Variants in CELF2 observed in about 807,000 individuals in gnomAD.
CELF2 encodes the protein CUGBP Elav-like family member 2, also known as CUG triplet repeat RNA-binding protein 2.
In CELF2, 8 loss-of-function variants were observed where a neutral mutation model predicts 62.6. That is an observed-to-expected ratio of 0.13 (90% CI 0.07 to 0.23). CELF2 has a LOEUF of 0.23. CELF2 is among the 10% of genes least tolerant of loss of function. The probability of loss-of-function intolerance (pLI) is 1.00; values close to 1 mark genes in which losing one functional copy is unlikely to be tolerated. For missense variants in CELF2, 333 were observed against 671.0 expected (o/e 0.50, Z 5.56); for synonymous variants, 258 against 250.0 (o/e 1.03, Z -0.30).
the CELF2 span, among the ~76,000 whole-genome samples, chr10:10,610,077 C>T: frequency 1.3e-5 from 2 of 152,164 alleles, no homozygotes; most frequent in Non-Finnish European, 2.9e-5. Context: ...ATATATTTTG[C>T]TATGCACCAT....
chr10:10,507,320 A>G, the CELF2 span, among the ~76,000 whole-genome samples: 6 of 152,040 alleles, frequency 3.9e-5, no homozygotes, highest in African/African-American at 1.2e-4. Context: ...AAATTTTGAG[A>G]AACAAAATGT....
chr10:10,553,886 A>T, the CELF2 span, among the ~76,000 whole-genome samples: 1 of 152,176 alleles, frequency 6.6e-6, no homozygotes, highest in South Asian at 2.1e-4. Context: ...TGCCAGCCCT[A>T]GGAGGAGCTG....
the CELF2 span, among the ~76,000 whole-genome samples, chr10:10,589,530 A>C: frequency 6.6e-6 from 1 of 152,292 alleles, no homozygotes; most frequent in South Asian, 2.1e-4. Flanking sequence ...TTTTGTTTCC[A>C]ATTCGTACAC....
the CELF2 span, among the ~76,000 whole-genome samples, chr10:10,780,588 C>T: frequency 6.6e-6 from 1 of 152,180 alleles, no homozygotes; most frequent in Non-Finnish European, 1.5e-5. Context: ...TCAAGCGATT[C>T]TCCTGCCTCA....
the CELF2 span, among the ~76,000 whole-genome samples, chr10:10,600,024 C>T: frequency 1.3e-5 from 2 of 152,176 alleles, no homozygotes; most frequent in Non-Finnish European, 1.5e-5. Context: ...AGCCACCGAG[C>T]CCGGCCTCTG....
the CELF2 span, among the ~76,000 whole-genome samples, chr10:10,615,562 C>T: frequency 6.6e-6 from 1 of 152,134 alleles, no homozygotes; most frequent in Non-Finnish European, 1.5e-5. Flanking sequence ...TCTCATGTCA[C>T]ATTGTAATTC....
chr10:11,108,544 T>C (rs887156827), intron 1 of CELF2, among the ~76,000 whole-genome samples: 15 of 152,282 alleles, frequency 9.9e-5, no homozygotes, highest in African/African-American at 3.4e-4. Flanking sequence ...CTGCAGTGAA[T>C]GCACATATCC....
the CELF2 span, among the ~76,000 whole-genome samples, chr10:10,559,269 T>G: frequency 6.6e-6 from 1 of 152,220 alleles, no homozygotes; most frequent in African/African-American, 2.4e-5. Flanking sequence ...CGATGTTTTC[T>G]CCAGAATCAT....
At chr10:10,684,480 C>T in the CELF2 span, among the ~76,000 whole-genome samples, 33 of 152,124 alleles carry the variant, frequency 2.2e-4, no homozygotes, top group Admixed American at 9.8e-4. Context: ...CAGTGGCTCA[C>T]GCCTGTAATC....
chr10:10,617,894 A>G, the CELF2 span, among the ~76,000 whole-genome samples: 1 of 152,040 alleles, frequency 6.6e-6, no homozygotes, highest in Admixed American at 6.5e-5. Flanking sequence ...TTATTTTCCT[A>G]ATTGGTACAA....
intron 10 of CELF2, chr10:11,317,885 T>C (rs1241133359): frequency 6.6e-6 from 1 of 152,258 alleles, no homozygotes; most frequent in Non-Finnish European, 1.5e-5. Flanking sequence ...TGTCACTTGC[T>C]TCCAGCCTTC....
the CELF2 span, among the ~76,000 whole-genome samples, chr10:10,512,172 T>C: frequency 6.6e-6 from 1 of 152,154 alleles, no homozygotes; most frequent in African/African-American, 2.4e-5. Context: ...AAGAGCTTGA[T>C]GTGGATGAAA....
At chr10:11,104,211 A>AT (rs1336740746) in intron 1 of CELF2, among the ~76,000 whole-genome samples, 2 of 152,140 alleles carry the variant, frequency 1.3e-5, no homozygotes, top group African/African-American at 4.8e-5. Context: ...TGATGTATTT[A>AT]TTTGCATTCT....
chr10:11,087,453 G>A (rs2047122506), intron 1 of CELF2, among the ~76,000 whole-genome samples: 1 of 152,214 alleles, frequency 6.6e-6, no homozygotes, highest in Non-Finnish European at 1.5e-5. Flanking sequence ...TTGCCCAGGT[G>A]AAGGGAAGTA....
chr10:10,812,050 C>G (rs2131744516), intron 1 of CELF2, among the ~76,000 whole-genome samples: 2 of 152,254 alleles, frequency 1.3e-5, no homozygotes, highest in South Asian at 4.1e-4. Flanking sequence ...CCTGTCTGTT[C>G]TCATGCAGAG....
the CELF2 span, among the ~76,000 whole-genome samples, chr10:10,502,930 A>C: frequency 6.6e-6 from 1 of 151,874 alleles, no homozygotes; most frequent in South Asian, 2.1e-4. Flanking sequence ...TTATTACATT[A>C]TGTATTCCTT....
chr10:11,167,762 T>C (rs982087544), intron 2 of CELF2, among the ~76,000 whole-genome samples: 1 of 152,232 alleles, frequency 6.6e-6, no homozygotes, highest in African/African-American at 2.4e-5. Context: ...GGAAGTTTTT[T>C]TGAGCACGTG....
chr10:10,923,004 G>A (rs1361045111), intron 2 of CELF2: 1 of 152,086 alleles, frequency 6.6e-6, no homozygotes, highest in South Asian at 2.1e-4. Flanking sequence ...TTGTTTGTTT[G>A]TACAGTCTCG....
At chr10:10,897,978 T>A (rs2062680792) in intron 1 of CELF2, among the ~76,000 whole-genome samples, 1 of 152,182 alleles carries the variant, frequency 6.6e-6, no homozygotes, top group African/African-American at 2.4e-5. Flanking sequence ...CCAGAAACAG[T>A]GACTGGTTCA....
Sources: allele counts gnomAD v4.1 joint callset (sites outside exome capture counted in the v4.1 genomes callset), GRCh38; gene constraint gnomAD v4.1.1; transcripts MANE v1.5; gene names NCBI Gene and HGNC (gene_info 2026-07-23, HGNC 2026-07-21).